PPP2R2D: variants seen among roughly 807,000 people sequenced by gnomAD.
The protein encoded by PPP2R2D is protein phosphatase 2 regulatory subunit Bdelta, also known as serine/threonine-protein phosphatase 2A 55 kDa regulatory subunit B delta isoform.
PPP2R2D carries 9 observed loss-of-function variants against 31.1 expected under a neutral mutation model. The observed-to-expected ratio is 0.29, with a 90% CI of 0.17 to 0.51. The LOEUF (loss-of-function observed/expected upper bound fraction) is 0.51, where lower values mean the gene tolerates loss of function less well. PPP2R2D is among the 20% of genes least tolerant of loss of function. The probability of loss-of-function intolerance (pLI) is 0.98; values close to 1 mark genes in which losing one functional copy is unlikely to be tolerated. For missense variants in PPP2R2D, 391 were observed against 465.6 expected, an observed-to-expected ratio of 0.84 and a Z score of 1.48; for synonymous variants, 179 against 172.6, an observed-to-expected ratio of 1.04 and a Z score of -0.29.
Position 131,945,511 on chromosome 10 carries a change from G to C in PPP2R2D, c.820+52G>C. ...GTCTGGCTCTGTCACCCAGGCTGCGGTGCAGTGACACAGTCTCGGCTCACG... is the reference window on the plus strand; with the variant it reads ...GTCTGGCTCTGTCACCCAGGCTGCGCTGCAGTGACACAGTCTCGGCTCACG... On this transcript the variant is annotated intron_variant, in intron 7 of 8. Coordinates refer to ENST00000455566, the MANE Select transcript of PPP2R2D (RefSeq NM_018461.5). The surrounding 1 kb of genome is among the most constrained non-coding windows in gnomAD (Gnocchi z 4.8). The C allele has an allele frequency of 1.3e-6, 2 of 1,547,546 alleles. No homozygotes were observed. The highest frequency in any genetic ancestry group is 2.7e-5 in the African/African-American group (2 of 73,688).
chr10:131,913,840 G>A (rs1271945711), intron 2 of PPP2R2D, among the ~76,000 whole-genome samples: 1 of 152,172 alleles, frequency 6.6e-6, no homozygotes, highest in Admixed American at 6.5e-5. Flanking sequence ...CAGAAGTCTT[G>A]CTAATGATGT....
chr10:131,947,887 G>A lies in PPP2R2D; in HGVS notation c.1082+96G>A. On this transcript the variant is annotated intron_variant, in intron 8 of 8. Coordinates refer to ENST00000455566, the MANE Select transcript of PPP2R2D (RefSeq NM_018461.5). The surrounding 1 kb of genome is among the most constrained non-coding windows in gnomAD (Gnocchi z 4.3). ...AGGCGAGCTGTCCTCCAGCGTCAGA[G>A]GAGGACGCTCATAGGGTGTTGTTTT... The A allele has an allele frequency of 6.8e-7, 1 of 1,479,610 alleles. No homozygotes were observed. Among genetic ancestry groups the A allele is most frequent in the South Asian group, 1.3e-5 (1 of 79,932 alleles). The allele number at this position is 1,479,610 out of a possible 1,614,324, so 91.7% of individuals were successfully genotyped here. A position where few individuals can be genotyped will look rare whatever the true frequency, so the allele number is the denominator to read the frequency against.
chr10:131,907,199 T>C (rs1439848895), intron 2 of PPP2R2D, among the ~76,000 whole-genome samples: 2 of 147,732 alleles, frequency 1.4e-5, no homozygotes, highest in East Asian at 4.0e-4. Context: ...TTCATTTATA[T>C]TTTTTTTTTG....
intron 2 of PPP2R2D, among the ~76,000 whole-genome samples, chr10:131,902,102 A>G (rs977366093): frequency 5.3e-5 from 8 of 152,114 alleles, no homozygotes; most frequent in Non-Finnish European, 8.8e-5. Context: ...CTTACCTGTC[A>G]CCTTAAAGTT....
intron 2 of PPP2R2D, among the ~76,000 whole-genome samples, chr10:131,913,977 C>T (rs1364612843): frequency 1.3e-5 from 2 of 152,176 alleles, no homozygotes; most frequent in African/African-American, 4.8e-5. Flanking sequence ...TTTTCTGTAT[C>T]GTGCACAACA....
chr10:131,939,601 C>T (rs1262487682), intron 3 of PPP2R2D, among the ~76,000 whole-genome samples: 1 of 148,436 alleles, frequency 6.7e-6, no homozygotes, highest in Non-Finnish European at 1.5e-5. Flanking sequence ...CGGCAGGCTG[C>T]GTTTGGCAGA....
chr10:131,902,911 C>T (rs1448418337), intron 2 of PPP2R2D, among the ~76,000 whole-genome samples: 1 of 152,058 alleles, frequency 6.6e-6, no homozygotes, highest in African/African-American at 2.4e-5. Context: ...CGTGCACCAC[C>T]ACACCAGGCT....
intron 8 of PPP2R2D, among the ~76,000 whole-genome samples, chr10:131,948,852 A>G (rs1038786295): frequency 5.3e-5 from 8 of 152,194 alleles, no homozygotes; most frequent in African/African-American, 1.7e-4. Context: ...GGACCCCTGA[A>G]GATGGTGTCT....
intron 2 of PPP2R2D, among the ~76,000 whole-genome samples, chr10:131,910,845 G>A (rs996836065): frequency 6.6e-6 from 1 of 152,150 alleles, no homozygotes; most frequent in Admixed American, 6.5e-5. Context: ...GGGTGGGGGA[G>A]CTGAAGGTTA....
At chr10:131,924,910 T>C (rs2036074116) in intron 2 of PPP2R2D, among the ~76,000 whole-genome samples, 1 of 152,212 alleles carries the variant, frequency 6.6e-6, no homozygotes, top group Non-Finnish European at 1.5e-5. Flanking sequence ...TTTATTCTTT[T>C]TGATGATATT....
chr10:131,920,172 G>T (rs2035949663), intron 2 of PPP2R2D, among the ~76,000 whole-genome samples: 1 of 149,324 alleles, frequency 6.7e-6, no homozygotes, highest in African/African-American at 2.5e-5. Context: ...ATGACACAGT[G>T]TTTGTAGGGA....
chr10:131,938,036 G>C (rs536488863), intron 3 of PPP2R2D, among the ~76,000 whole-genome samples: 1 of 152,028 alleles, frequency 6.6e-6, no homozygotes, highest in Non-Finnish European at 1.5e-5. Context: ...GCTCCTGCCC[G>C]TGGAGGCTTC....
chr10:131,947,420 C>T lies in PPP2R2D; in HGVS notation c.821-110C>T, dbSNP rs562998197. 26 of 1,186,604 alleles carry T rather than the reference C, an allele frequency of 2.2e-5. No individual in the cohort carries two copies. In the South Asian group the frequency reaches 4.0e-4, roughly 18 times the overall value. 73.5% of individuals were successfully genotyped at this position (1,186,604 alleles called of 1,614,324 possible). On this transcript the variant is annotated intron_variant, in intron 7 of 8. Coordinates refer to ENST00000455566, the MANE Select transcript of PPP2R2D (RefSeq NM_018461.5). The surrounding 1 kb of genome is among the most constrained non-coding windows in gnomAD (Gnocchi z 4.3). ...AAGATCAGAAGACCTAGTGTTGAGG[C>T]CAAGCCCTTCCAGAGTCTCTCTGAA...
intron 3 of PPP2R2D, chr10:131,934,815 G>A (rs2036309287): frequency 1.9e-6 from 1 of 535,808 alleles, no homozygotes; most frequent in Non-Finnish European, 3.6e-6. Context: ...GCAGGGTGGT[G>A]GTGAGGTGCA....
At chr10:131,968,500 A>G in the PPP2R2D span, 3 of 1,563,020 alleles carry the variant, frequency 1.9e-6, no homozygotes, top group African/African-American at 1.4e-5. Flanking sequence ...CCACTAACGA[A>G]CCAAGTCAGA....
intron 2 of PPP2R2D, among the ~76,000 whole-genome samples, chr10:131,922,875 G>T (rs1554894435): frequency 6.6e-6 from 1 of 152,156 alleles, no homozygotes; most frequent in Non-Finnish European, 1.5e-5. Context: ...ATTTTTGTTT[G>T]TTGGTTATTT....
chr10:131,924,535 C>A (rs975102777), intron 2 of PPP2R2D, among the ~76,000 whole-genome samples: 45 of 152,084 alleles, frequency 3.0e-4, no homozygotes, highest in African/African-American at 8.9e-4. Flanking sequence ...TATGTCTGTC[C>A]TCATGCCAAT....
chr10:131,968,437 A>G, the PPP2R2D span: 1 of 1,114,200 alleles, frequency 9.0e-7, no homozygotes, highest in Non-Finnish European at 1.4e-6. Flanking sequence ...TGACGTGGCC[A>G]CCCCAGGATC....
rs2120105343 is a variant in PPP2R2D, at chr10:131,959,539, T to A, written c.*3576T>A. On this transcript the variant is annotated 3_prime_UTR_variant, in exon 9 of 9. Coordinates refer to ENST00000455566, the MANE Select transcript of PPP2R2D (RefSeq NM_018461.5). Reference sequence around the variant, plus strand: ...GGTGAAGGTGTGTGCTGATTACTAATCCACATGGGCAAGAACAGGATGTCC... The same window carrying A: ...GGTGAAGGTGTGTGCTGATTACTAAACCACATGGGCAAGAACAGGATGTCC... 3 of 161,548 alleles carry A rather than the reference T, an allele frequency of 1.9e-5. No homozygotes were observed. The East Asian group carries it at 5.6e-4, about 30-fold the overall frequency. The allele number at this position is 161,548 out of a possible 1,614,324, so 10.0% of individuals were successfully genotyped here.
Sources: gnomAD v4.1 joint callset for allele counts (sites outside exome capture counted in the v4.1 genomes callset) on GRCh38, gnomAD v4.1.1 for gene constraint, Gnocchi (gnomAD v3.1) non-coding constraint, MANE v1.5 for transcripts, NCBI Gene and HGNC (gene_info 2026-07-23, HGNC 2026-07-21) for gene names.